DNAH9: variants seen among roughly 807,000 people sequenced by gnomAD.
The protein encoded by DNAH9 is DNAH9 variant protein.
Under a neutral mutation model 471.6 loss-of-function variants are expected in DNAH9, and 345 were observed. That is an observed-to-expected ratio of 0.73 (90% CI 0.67 to 0.80). The LOEUF (loss-of-function observed/expected upper bound fraction) is 0.80, where lower values mean the gene tolerates loss of function less well. Among genes scored for constraint, DNAH9 ranks in the 30% least tolerant of loss-of-function variants. The pLI, the probability that DNAH9 is intolerant of heterozygous loss-of-function variation, is 0.00. For synonymous variants in DNAH9, 2,093 were observed against 2,123.6 expected (o/e 0.99, Z 0.40); for missense variants, 5,407 against 5,609.2 (o/e 0.96, Z 1.15).
chr17:11,961,814 T>C, intron 67 of DNAH9, 53 bp from the exon 68 acceptor site: 1 of 1,538,816 alleles, frequency 6.5e-7, no homozygotes, highest in Non-Finnish European at 8.7e-7. Context: ...GCCAGGTGTT[T>C]TCAGGGACTT....
intron 61 of DNAH9, among the ~76,000 whole-genome samples, chr17:11,917,462 C>T (rs1335311631): frequency 6.6e-6 from 1 of 152,080 alleles, no homozygotes; most frequent in Non-Finnish European, 1.5e-5. Context: ...TGGCTGGCCT[C>T]TATTTTAACA....
chr17:11,885,684 A>G (rs1213172049), intron 56 of DNAH9, among the ~76,000 whole-genome samples: 4 of 152,058 alleles, frequency 2.6e-5, no homozygotes, highest in Admixed American at 6.6e-5. Context: ...TTTTGTGTCC[A>G]CTGCTCTAAA....
chr17:11,809,593 C>G (rs956981821), intron 44 of DNAH9, among the ~76,000 whole-genome samples: 1 of 151,908 alleles, frequency 6.6e-6, no homozygotes, highest in African/African-American at 2.4e-5. Flanking sequence ...AAAATAAAAA[C>G]TACAAGACCC....
intron 42 of DNAH9, among the ~76,000 whole-genome samples, chr17:11,795,705 A>C (rs958282382): frequency 6.6e-5 from 10 of 152,198 alleles, no homozygotes; most frequent in Non-Finnish European, 1.2e-4. Context: ...GGCCTGGCAA[A>C]TTAGTCTTCA....
chr17:11,690,054 T>C lies in DNAH9; in HGVS notation c.4232T>C (p.Leu1411Pro), dbSNP rs267604732. ...QDTTLAHLLQLQLHHYEDEVR... is the reference protein window; with the variant it reads ...QDTTLAHLLQPQLHHYEDEVR... ...ACCACCCTAGCGCACCTGCTGCAGC[T>C]CCAGCTGCACCACTATGAGGATGAG... Residue 1411 changes from leucine (L) to proline (P), a missense_variant, in exon 20 of 69, where the codon CTC becomes CCC. Around this residue, in one of 3 missense-constraint regions of DNAH9, gnomAD observed 4,636 missense variants for 4,900.3 expected, o/e 0.95. Coordinates refer to ENST00000262442, the MANE Select transcript of DNAH9 (RefSeq NM_001372.4). The C allele has an allele frequency of 6.2e-7, 1 of 1,614,132 alleles. No homozygotes were observed. The highest frequency in any genetic ancestry group is 1.6e-4 in the Middle Eastern group (1 of 6,062).
Position 11,871,796 on chromosome 17 carries a change from G to T in DNAH9, c.10242+10G>T, listed in dbSNP as rs768189189. On this transcript the variant is annotated intron_variant, in intron 52 of 68. Coordinates refer to ENST00000262442, the MANE Select transcript of DNAH9 (RefSeq NM_001372.4). ...CCTGAGCCAGCTGAAAGTACGTATGGCCTGAATTTCTCCCGACCACATCAG... is the reference window on the plus strand; with the variant it reads ...CCTGAGCCAGCTGAAAGTACGTATGTCCTGAATTTCTCCCGACCACATCAG... 14 of 1,613,094 alleles carry T rather than the reference G, an allele frequency of 8.7e-6. No homozygotes were observed. The highest frequency in any genetic ancestry group is 3.3e-5 in the South Asian group (3 of 91,056).
chr17:11,756,731 T>G, intron 34 of DNAH9, 55 bp downstream of exon 34: 1 of 1,108,810 alleles, frequency 9.0e-7, no homozygotes, highest in Non-Finnish European at 1.4e-6. Context: ...GAGGTACCTC[T>G]GGCTTCACAC....
intron 14 of DNAH9, among the ~76,000 whole-genome samples, chr17:11,664,505 C>T (rs1003899720): frequency 1.3e-5 from 2 of 152,158 alleles, no homozygotes; most frequent in African/African-American, 4.8e-5. Context: ...CACTTCTGCC[C>T]TGATGCAACT....
intron 50 of DNAH9, among the ~76,000 whole-genome samples, chr17:11,861,600 A>T (rs1175207524): frequency 6.7e-6 from 1 of 150,180 alleles, no homozygotes; most frequent in East Asian, 2.0e-4. Flanking sequence ...GAATCGCCAC[A>T]CTGACTTCCA....
rs545710966 is a variant in DNAH9 at position 11,924,663 on chromosome 17, G to A, written c.11877+722G>A. Among the ~76,000 whole-genome samples, 24 of 116,160 alleles carry A rather than the reference G, an allele frequency of 2.1e-4. No homozygotes were observed. In the South Asian group the frequency reaches 6.3e-3, roughly 31 times the overall value. The allele number at this position is 116,160 out of a possible 152,430, so 76.2% of individuals were successfully genotyped here. ...TTTTGAGATGGAGTCTTGCTCTGTCGCCTAGGCTGGAGTGCAATGGCGCAA... is the reference window on the plus strand; with the variant it reads ...TTTTGAGATGGAGTCTTGCTCTGTCACCTAGGCTGGAGTGCAATGGCGCAA... On this transcript the variant is annotated intron_variant, in intron 62 of 68. Coordinates refer to ENST00000262442, the MANE Select transcript of DNAH9 (RefSeq NM_001372.4).
In DNAH9 at chr17:11,939,308, A is replaced by G. The variant is rs544411368; in HGVS notation, c.12660+1786A>G. Among the ~76,000 whole-genome samples the G allele has an allele frequency of 7.2e-5, 11 of 152,338 alleles. No homozygotes were observed. In the South Asian group the frequency reaches 2.1e-3, roughly 29 times the overall value. ...TAAAACTGGAAAAGGCTGAGACTGT[A>G]TAAGTAATAGACTTAGAATTCTTCA... On this transcript the variant is annotated intron_variant, in intron 66 of 68. Transcript: ENST00000262442.
chr17:11,834,370 G>T (rs936411806), intron 48 of DNAH9, among the ~76,000 whole-genome samples: 13 of 136,612 alleles, frequency 9.5e-5, no homozygotes, highest in Non-Finnish European at 1.9e-4. Flanking sequence ...AAATAAAAAA[G>T]AAAGGTCAGG....
At chr17:11,859,501 G>T (rs1306514483) in intron 50 of DNAH9, among the ~76,000 whole-genome samples, 1 of 151,944 alleles carries the variant, frequency 6.6e-6, no homozygotes, top group African/African-American at 2.4e-5. Flanking sequence ...CATAGAGGCA[G>T]CTCCCTTGGA....
At chr17:11,827,465 CACCTTTAAATG>C (rs1375290961) in intron 48 of DNAH9, among the ~76,000 whole-genome samples, 2 of 152,116 alleles carry the variant, frequency 1.3e-5, no homozygotes, top group Non-Finnish European at 2.9e-5. Flanking sequence ...AGGTGCCACA[CACCTTTAAATG>C]ACCACGTCTC....
chr17:11,755,589 T>C (rs1457868310), intron 33 of DNAH9, among the ~76,000 whole-genome samples: 2 of 152,168 alleles, frequency 1.3e-5, no homozygotes, highest in Non-Finnish European at 2.9e-5. Flanking sequence ...GTTCTTTTCC[T>C]TTAAGAGTTC....
intron 67 of DNAH9, among the ~76,000 whole-genome samples, chr17:11,954,183 C>G (rs1975524197): frequency 6.6e-6 from 1 of 150,436 alleles, no homozygotes; most frequent in Non-Finnish European, 1.5e-5. Flanking sequence ...AGGATAATAT[C>G]AAGTGGTCTA....
At chr17:11,885,310 C>A (rs1232895957) in intron 56 of DNAH9, among the ~76,000 whole-genome samples, 1 of 152,132 alleles carries the variant, frequency 6.6e-6, no homozygotes, top group Non-Finnish European at 1.5e-5. Flanking sequence ...TTGAGTGTAA[C>A]TGGAACATAG....
chr17:11,950,278 C>CA (rs1975316763), intron 67 of DNAH9, among the ~76,000 whole-genome samples: 2 of 152,204 alleles, frequency 1.3e-5, no homozygotes, highest in Admixed American at 1.3e-4. Flanking sequence ...GGTTCATTCT[C>CA]AGTGTTAGAC....
chr17:11,950,385 A>G (rs1975320345), intron 67 of DNAH9, among the ~76,000 whole-genome samples: 1 of 152,180 alleles, frequency 6.6e-6, no homozygotes, highest in Non-Finnish European at 1.5e-5. Flanking sequence ...TGTATTGGAT[A>G]TATTTTAAAC....
Sources: gnomAD v4.1 joint callset for allele counts (sites outside exome capture counted in the v4.1 genomes callset) on GRCh38, gnomAD v4.1.1 for gene constraint, gnomAD v4.1.1 regional missense constraint, MANE v1.5 for transcripts, NCBI Gene and HGNC (gene_info 2026-07-23, HGNC 2026-07-21) for gene names.